GLG1: variants seen among roughly 807,000 people sequenced by gnomAD.
GLG1 encodes golgi glycoprotein 1.
A neutral mutation model predicts 160.5 loss-of-function variants in GLG1; 38 were observed. The ratio of observed to expected loss-of-function variants is 0.24; its 90% confidence interval spans 0.18 to 0.31. The LOEUF (loss-of-function observed/expected upper bound fraction) is 0.31, where lower values mean the gene tolerates loss of function less well. GLG1 is among the 10% of genes least tolerant of loss of function. GLG1 has a pLI of 1.00. For synonymous variants in GLG1, 644 were observed against 543.4 expected, an observed-to-expected ratio of 1.19 and a Z score of -2.57; for missense variants, 1,373 against 1,505.2, an observed-to-expected ratio of 0.91 and a Z score of 1.45.
Position 74,483,177 on chromosome 16 carries a change from T to C in GLG1, c.1572-53A>G. The C allele has an allele frequency of 5.9e-6, 6 of 1,012,670 alleles. No individual in the cohort carries two copies. In the South Asian group the frequency reaches 7.8e-5, roughly 13 times the overall value. 62.7% of individuals were successfully genotyped at this position (1,012,670 alleles called of 1,614,324 possible). A position where few individuals can be genotyped will look rare whatever the true frequency, so the allele number is the denominator to read the frequency against. ...CAAGAGAGAAGTGTTCAGAACTCTA[T>C]GTCAATATAGTATTTCCCTGGTCTG... On this transcript the variant is annotated intron_variant, in intron 9 of 25. Coordinates refer to ENST00000422840, the MANE Select transcript of GLG1 (RefSeq NM_001145667.2).
chr16:74,533,429 G>A (rs2017601532), intron 1 of GLG1, among the ~76,000 whole-genome samples: 2 of 152,190 alleles, frequency 1.3e-5, no homozygotes, highest in South Asian at 4.1e-4. Context: ...AACTCCTTTA[G>A]TTTCCTTGTT....
Position 74,485,715 on chromosome 16 carries a change from C to G in GLG1, c.1571+81G>C. On this transcript the variant is annotated intron_variant, in intron 9 of 25. Coordinates refer to ENST00000422840, the MANE Select transcript of GLG1 (RefSeq NM_001145667.2). Reference sequence around the variant, plus strand: ...TTTCAGTTAAGATGTCAACAACCACCCAAAAGTCATTTGAAGGAATGTTCC... The same window carrying G: ...TTTCAGTTAAGATGTCAACAACCACGCAAAAGTCATTTGAAGGAATGTTCC... The G allele has an allele frequency of 3.0e-6, 4 of 1,352,064 alleles. No homozygotes were observed. In the Admixed American group the frequency reaches 8.8e-5, roughly 30 times the overall value. 83.8% of individuals were successfully genotyped at this position (1,352,064 alleles called of 1,614,324 possible).
In GLG1 at chr16:74,453,025, G is replaced by C; in HGVS notation, c.*142C>G. ...ATGGACACGAGTGGAGGCTGGATGG[G>C]ACAACGCAGTGGACATCTGCTAATG... On this transcript the variant is annotated 3_prime_UTR_variant, in exon 26 of 26. Transcript: ENST00000422840. The C allele has an allele frequency of 6.9e-7, 1 of 1,439,762 alleles. No homozygotes were observed. Among genetic ancestry groups the C allele is most frequent in the Non-Finnish European group, 9.1e-7 (1 of 1,095,266 alleles). 89.2% of individuals were successfully genotyped at this position (1,439,762 alleles called of 1,614,324 possible). A position where few individuals can be genotyped will look rare whatever the true frequency, so the allele number is the denominator to read the frequency against.
intron 1 of GLG1, among the ~76,000 whole-genome samples, chr16:74,585,312 G>C (rs932318177): frequency 3.9e-5 from 6 of 152,160 alleles, no homozygotes; most frequent in African/African-American, 1.2e-4. Flanking sequence ...GGGAGACTGA[G>C]GCACGAGAAT....
At chr16:74,458,020 A>C in intron 23 of GLG1, 26 bp from the exon 24 acceptor site, 1 of 1,611,478 alleles carries the variant, frequency 6.2e-7, no homozygotes, top group Non-Finnish European at 8.5e-7. Context: ...CATTGCAGAC[A>C]GAGCTTTTGA....
chr16:74,480,895 G>A (rs1469953614), intron 10 of GLG1, among the ~76,000 whole-genome samples: 2 of 152,166 alleles, frequency 1.3e-5, no homozygotes, highest in African/African-American at 4.8e-5. Context: ...AGCACTGTGG[G>A]AGGCCTAGGC....
chr16:74,468,848 G>T, intron 17 of GLG1, 98 bp downstream of exon 17: 1 of 756,546 alleles, frequency 1.3e-6, no homozygotes, highest in Non-Finnish European at 2.4e-6. Flanking sequence ...AACCATCACA[G>T]TAGTGGATAA....
chr16:74,497,729 G>A (rs551637417), intron 4 of GLG1, among the ~76,000 whole-genome samples: 5 of 152,126 alleles, frequency 3.3e-5, no homozygotes, highest in African/African-American at 7.2e-5. Context: ...GAGCCACTGC[G>A]CCCGGCCAAC....
At chr16:74,580,871 G>C (rs1044455059) in intron 1 of GLG1, among the ~76,000 whole-genome samples, 1 of 152,182 alleles carries the variant, frequency 6.6e-6, no homozygotes, top group Non-Finnish European at 1.5e-5. Flanking sequence ...AGGAATTTGA[G>C]ACCAGCCTGA....
chr16:74,478,022 C>G (rs1344346923), intron 11 of GLG1, among the ~76,000 whole-genome samples: 1 of 72,158 alleles, frequency 1.4e-5, no homozygotes, highest in Non-Finnish European at 3.2e-5. Flanking sequence ...ATAAAATGTG[C>G]AAGAGGCTTC....
At chr16:74,456,477 C>A in intron 25 of GLG1, 172 bp downstream of exon 25, 1 of 584,402 alleles carries the variant, frequency 1.7e-6, no homozygotes, top group South Asian at 2.0e-5. Flanking sequence ...CGTTTTCAAA[C>A]GCACTTATTG....
chr16:74,485,062 C>T (rs1321850645), intron 9 of GLG1, among the ~76,000 whole-genome samples: 7 of 152,124 alleles, frequency 4.6e-5, no homozygotes, highest in African/African-American at 1.7e-4. Context: ...TACAGGCATG[C>T]ACCACCACGC....
In GLG1 at chr16:74,542,720, A is replaced by G. The variant is rs1210323328; in HGVS notation, c.439-10567T>C. Among the ~76,000 whole-genome samples the G allele has an allele frequency of 2.2e-3, 39 of 17,364 alleles. 2 individuals are homozygous for G. Among genetic ancestry groups the G allele is most frequent in the East Asian group, 5.5e-3 (1 of 182 alleles). The allele number at this position is 17,364 out of a possible 152,430, so 11.4% of individuals were successfully genotyped here. A position where few individuals can be genotyped will look rare whatever the true frequency, so the allele number is the denominator to read the frequency against. ...AGGGAGGGAGGAAGGGAAGAAGGGA[A>G]GGAAGGAAGGAAGGGAGGAAGGAAG... is the stretch of plus-strand genomic sequence containing the variant. On this transcript the variant is annotated intron_variant, in intron 1 of 25. Coordinates refer to ENST00000422840, the MANE Select transcript of GLG1 (RefSeq NM_001145667.2).
chr16:74,489,563 T>G (rs540516345), intron 8 of GLG1, among the ~76,000 whole-genome samples: 5 of 152,074 alleles, frequency 3.3e-5, no homozygotes, highest in Admixed American at 6.5e-5. Context: ...GGCTGTCTCC[T>G]GATTCATTTT....
intron 19 of GLG1, among the ~76,000 whole-genome samples, 160 bp downstream of exon 19, chr16:74,465,516 G>T (rs933426233): frequency 6.6e-6 from 1 of 152,166 alleles, no homozygotes; most frequent in Non-Finnish European, 1.5e-5. Context: ...CAGATCTGGA[G>T]GGGGGCCCAG....
At chr16:74,476,841 C>A (rs1241679610) in intron 12 of GLG1, among the ~76,000 whole-genome samples, 1 of 152,136 alleles carries the variant, frequency 6.6e-6, no homozygotes, top group Non-Finnish European at 1.5e-5. Context: ...ATTTGTCAAC[C>A]AGGTGAGAAA....
At chr16:74,600,825 A>C (rs1958425455) in intron 1 of GLG1, among the ~76,000 whole-genome samples, 1 of 152,002 alleles carries the variant, frequency 6.6e-6, no homozygotes, top group Non-Finnish European at 1.5e-5. Context: ...TCTAAATCCT[A>C]ATTTTGTCTT....
At chr16:74,475,958 G>A (rs577786567) in intron 12 of GLG1, among the ~76,000 whole-genome samples, 1 of 152,166 alleles carries the variant, frequency 6.6e-6, no homozygotes, top group Non-Finnish European at 1.5e-5. Context: ...AAGACAGGTG[G>A]ATTGCCTGAG....
chr16:74,567,246 G>T (rs1050597647), intron 1 of GLG1, among the ~76,000 whole-genome samples: 1 of 151,560 alleles, frequency 6.6e-6, no homozygotes, highest in Non-Finnish European at 1.5e-5. Flanking sequence ...AGAGAGAGGA[G>T]TTAGCTGTTT....
Sources: gnomAD v4.1 joint callset for allele counts (sites outside exome capture counted in the v4.1 genomes callset) on GRCh38, gnomAD v4.1.1 for gene constraint, MANE v1.5 for transcripts, NCBI Gene and HGNC (gene_info 2026-07-23, HGNC 2026-07-21) for gene names.